Variants in SNX16 observed in about 807,000 individuals in gnomAD.
SNX16 encodes sorting nexin-16.
In SNX16, 35 loss-of-function variants were observed where a neutral mutation model predicts 36.7. The ratio of observed to expected loss-of-function variants is 0.95; its 90% CI spans 0.73 to 1.27. SNX16 has a LOEUF of 1.27. Among genes scored for constraint, SNX16 ranks in the 50% most tolerant of loss-of-function variants. The pLI, the probability that SNX16 is intolerant of heterozygous loss-of-function variation, is 0.00. For synonymous variants in SNX16, 134 were observed against 132.0 expected (o/e 1.02, Z -0.10); for missense variants, 367 against 393.6 (o/e 0.93, Z 0.57).
chr8:81,810,582 T>C (rs78236340), intron 5 of SNX16, among the ~76,000 whole-genome samples: 3,481 of 152,276 alleles, frequency 0.023, 131 homozygotes, highest in African/African-American at 0.08. Context: ...TGTAGGAAAA[T>C]GCATTTATTT....
intron 5 of SNX16, among the ~76,000 whole-genome samples, chr8:81,807,364 C>G (rs1810001750): frequency 6.6e-6 from 1 of 151,194 alleles, no homozygotes; most frequent in Admixed American, 6.6e-5. Flanking sequence ...ACTAAAAATA[C>G]AAAAATTAGC....
At chr8:81,830,058 G>T (rs1197057223) in intron 2 of SNX16, among the ~76,000 whole-genome samples, 1 of 152,150 alleles carries the variant, frequency 6.6e-6, no homozygotes, top group Non-Finnish European at 1.5e-5. Context: ...TCTGCGAAAA[G>T]GCTCTGGGAA....
chr8:81,801,391 G>C lies in SNX16; in HGVS notation c.*106C>G, dbSNP rs1346977172. ...GTAAACTTTATACATGTGCATTCTT[G>C]CTCTTTTCTATATGTTTTACAGTTC... On this transcript the variant is annotated 3_prime_UTR_variant, in exon 8 of 8. Transcript: ENST00000345957. The C allele has an allele frequency of 1.7e-6, 1 of 579,720 alleles. No individual in the cohort carries two copies. The highest frequency in any genetic ancestry group is 3.3e-5 in the Admixed American group (1 of 30,760). 35.9% of individuals were successfully genotyped at this position (579,720 alleles called of 1,614,324 possible).
intron 5 of SNX16, chr8:81,808,769 A>G (rs1810090957): frequency 4.0e-6 from 4 of 1,010,076 alleles, no homozygotes; most frequent in Non-Finnish European, 3.1e-6. Context: ...GGAGAGCCAG[A>G]GAAGTAACAG....
chr8:81,801,537 ATCTCTGATACAGCATTT>A lies in SNX16; in HGVS notation c.978_994del (p.Glu326AspfsTer9). 6.3e-7 allele frequency: 1 copy of A among 1,594,934 alleles called. No individual in the cohort carries two copies. The highest frequency in any genetic ancestry group is 2.3e-5 in the East Asian group (1 of 44,262). ...ATCATATGCCACTTCTGCTACTTCT[ATCTCTGATACAGCATTT>A]TCAGGTTCACTAAAACTTAAGCATG... On this transcript the variant is annotated frameshift_variant, in exon 8 of 8. Transcript: ENST00000345957. LOFTEE classifies it high-confidence loss of function.
At chr8:81,808,083 G>C (rs1177692632) in intron 5 of SNX16, 32 of 1,162,554 alleles carry the variant, frequency 2.8e-5, no homozygotes, top group Non-Finnish European at 3.8e-5. Flanking sequence ...ACTTAACTGT[G>C]AAAAAGATAT....
At chr8:81,835,153 C>A (rs983467789) in intron 2 of SNX16, among the ~76,000 whole-genome samples, 4 of 152,222 alleles carry the variant, frequency 2.6e-5, no homozygotes, top group Non-Finnish European at 4.4e-5. Flanking sequence ...GGGGATTACA[C>A]CCTCTGAAGT....
intron 3 of SNX16, among the ~76,000 whole-genome samples, chr8:81,827,129 A>G (rs1156624679): frequency 9.2e-5 from 14 of 152,176 alleles, no homozygotes; most frequent in Admixed American, 6.5e-5. Flanking sequence ...TTAATTTTAA[A>G]TGCCCATCTT....
At chr8:81,823,980 A>G in intron 3 of SNX16, 40 bp from the exon 4 acceptor site, 1 of 1,561,170 alleles carries the variant, frequency 6.4e-7, no homozygotes, top group Non-Finnish European at 8.7e-7. Context: ...GTTTAACTCA[A>G]GCACTATCAA....
chr8:81,815,090 A>T (rs1018606522), intron 5 of SNX16: 8 of 220,326 alleles, frequency 3.6e-5, no homozygotes, highest in Non-Finnish European at 4.5e-5. Context: ...GCAGGATTTA[A>T]TTTTAGAGCT....
At chr8:81,835,004 C>G (rs1811431556) in intron 2 of SNX16, among the ~76,000 whole-genome samples, 1 of 152,228 alleles carries the variant, frequency 6.6e-6, no homozygotes, top group African/African-American at 2.4e-5. Flanking sequence ...CATGAGGGCC[C>G]TGCCCCTACA....
intron 5 of SNX16, chr8:81,808,447 G>A (rs1810070815): frequency 1.8e-6 from 2 of 1,084,900 alleles, no homozygotes; most frequent in African/African-American, 3.1e-5. Flanking sequence ...AGGGGTCATG[G>A]TGGCTTTGCT....
chr8:81,822,973 T>TAC (rs1563445564), intron 4 of SNX16, among the ~76,000 whole-genome samples: 2 of 147,072 alleles, frequency 1.4e-5, no homozygotes, highest in East Asian at 3.9e-4. Context: ...TATATATATA[T>TAC]ATACACATAT....
chr8:81,803,986 T>C (rs146924971), intron 5 of SNX16, among the ~76,000 whole-genome samples: 99 of 151,724 alleles, frequency 6.5e-4, no homozygotes, highest in African/African-American at 2.4e-3. Flanking sequence ...AAATACAAGA[T>C]ACTGAAGTTG....
intron 2 of SNX16, among the ~76,000 whole-genome samples, chr8:81,837,244 G>A (rs1811530045): frequency 6.6e-6 from 1 of 152,032 alleles, no homozygotes; most frequent in African/African-American, 2.4e-5. Context: ...CAGTGCCTGA[G>A]GCATAATAGG....
chr8:81,817,556 C>T (rs1484995208), intron 4 of SNX16, among the ~76,000 whole-genome samples: 1 of 152,142 alleles, frequency 6.6e-6, no homozygotes, highest in African/African-American at 2.4e-5. Context: ...GCTTTACTTT[C>T]TTTAATCAGT....
chr8:81,822,031 T>C (rs186571768), intron 4 of SNX16, among the ~76,000 whole-genome samples: 15 of 152,244 alleles, frequency 9.9e-5, no homozygotes, highest in Admixed American at 9.2e-4. Context: ...ACATAGCTAG[T>C]ATCATCTTAG....
chr8:81,808,490 T>G lies in SNX16; in HGVS notation c.682-5262A>C, dbSNP rs61753405. On this transcript the variant is annotated intron_variant, in intron 5 of 7. Coordinates refer to ENST00000345957, the MANE Select transcript of SNX16 (RefSeq NM_152836.3). The stretch of plus-strand genomic sequence containing the variant: ...GTGGTGGTGGGGGATATGGTGGCAG[T>G]GGGGATGGCTATAAGGGATTTGGTA... The G allele has an allele frequency of 3.1e-3, 2,979 of 963,872 alleles. 53 individuals are homozygous for G. In the African/African-American group the frequency reaches 0.042, roughly 14 times the overall value. 59.7% of individuals were successfully genotyped at this position (963,872 alleles called of 1,614,324 possible). A position where few individuals can be genotyped will look rare whatever the true frequency, so the allele number is the denominator to read the frequency against.
At chr8:81,818,918 A>C (rs1810610703) in intron 4 of SNX16, among the ~76,000 whole-genome samples, 1 of 152,082 alleles carries the variant, frequency 6.6e-6, no homozygotes, top group Non-Finnish European at 1.5e-5. Flanking sequence ...AAATCTTTCA[A>C]GTATGTAAAG....
Sources: allele counts gnomAD v4.1 joint callset (sites outside exome capture counted in the v4.1 genomes callset), GRCh38; gene constraint gnomAD v4.1.1; transcripts MANE v1.5; gene names NCBI Gene and HGNC (gene_info 2026-07-23, HGNC 2026-07-21).